The following SAMD12 variants were observed in gnomAD, a reference collection of about 807,000 sequenced individuals.
SAMD12 encodes sterile alpha motif domain containing 12.
Under a neutral mutation model 15.0 loss-of-function variants are expected in SAMD12, and 9 were observed. The ratio of observed to expected loss-of-function variants is 0.60; its 90% CI spans 0.36 to 1.05. The LOEUF is 1.05. Among genes scored for constraint, SAMD12 ranks in the 50% least tolerant of loss-of-function variants. The pLI is 0.01. For synonymous variants in SAMD12, 86 were observed against 90.1 expected (o/e 0.96, Z 0.25); for missense variants, 230 against 234.2 (o/e 0.98, Z 0.12).
At chr8:118,422,024 T>C (rs1428113973) in intron 3 of SAMD12, among the ~76,000 whole-genome samples, 1 of 152,154 alleles carries the variant, frequency 6.6e-6, no homozygotes, top group African/African-American at 2.4e-5. Context: ...GTGTAAGAAG[T>C]TGCAGATAGG....
intron 4 of SAMD12, among the ~76,000 whole-genome samples, chr8:118,362,122 GTGAAGAGAAT>G (rs1241773773): frequency 6.6e-6 from 1 of 152,012 alleles, no homozygotes; most frequent in East Asian, 1.9e-4. Flanking sequence ...GGGAGGGACA[GTGAAGAGAAT>G]TGAAAAGAAA....
chr8:118,185,049 G>A (rs532355309), downstream of SAMD12, among the ~76,000 whole-genome samples: 1 of 151,854 alleles, frequency 6.6e-6, no homozygotes, highest in African/African-American at 2.4e-5. Flanking sequence ...GGACCTATGT[G>A]CTTGTATCAT....
In SAMD12 at chr8:118,204,520, C is replaced by T. The variant is rs148370130; in HGVS notation, c.434-6788G>A. Among the ~76,000 whole-genome samples the T allele has an allele frequency of 6.2e-3, 938 of 152,086 alleles. 8 individuals carry two copies. Among genetic ancestry groups the T allele is most frequent in the African/African-American group, 0.021 (857 of 41,484 alleles). On this transcript the variant is annotated intron_variant, in intron 4 of 4. Transcript: ENST00000409003. ...CTGTAATCCCAGCACTTTGGGAGGC[C>T]GAGCCGGGCAGATCACGAGGTCAGA...
chr8:118,332,223 A>G (rs1816837350), intron 4 of SAMD12, among the ~76,000 whole-genome samples: 1 of 152,222 alleles, frequency 6.6e-6, no homozygotes, highest in East Asian at 1.9e-4. Flanking sequence ...ATTAACAGTC[A>G]TTTCTATGTT....
At chr8:118,599,829 A>G (rs1827815470) in intron 1 of SAMD12, among the ~76,000 whole-genome samples, 1 of 152,200 alleles carries the variant, frequency 6.6e-6, no homozygotes, top group East Asian at 1.9e-4. Flanking sequence ...TGAGGCAGGA[A>G]CTGCTACAGC....
intron 4 of SAMD12, among the ~76,000 whole-genome samples, chr8:118,298,392 ACTAC>A (rs1474205290): frequency 6.6e-6 from 1 of 152,230 alleles, no homozygotes; most frequent in Non-Finnish European, 1.5e-5. Flanking sequence ...ATGAACATGC[ACTAC>A]CTATCAGTAA....
chr8:118,496,762 C>A, intron 2 of SAMD12, among the ~76,000 whole-genome samples: 1 of 151,932 alleles, frequency 6.6e-6, no homozygotes, highest in South Asian at 2.1e-4. Flanking sequence ...AAGAAACAAT[C>A]AACAGAGCAA....
At chr8:118,608,218 C>T (rs1034884209) in intron 1 of SAMD12, among the ~76,000 whole-genome samples, 3 of 151,732 alleles carry the variant, frequency 2.0e-5, no homozygotes. Flanking sequence ...CATTAGAATG[C>T]CTTTTACTGC....
intron 2 of SAMD12, among the ~76,000 whole-genome samples, chr8:118,476,430 G>C (rs1823962033): frequency 6.6e-6 from 1 of 152,194 alleles, no homozygotes; most frequent in Admixed American, 6.5e-5. Flanking sequence ...GATGGCTCCT[G>C]TCCTTTGGTG....
At chr8:118,614,080 T>C (rs931985862) in intron 1 of SAMD12, among the ~76,000 whole-genome samples, 23 of 152,196 alleles carry the variant, frequency 1.5e-4, no homozygotes, top group African/African-American at 5.1e-4. Context: ...CATTCCCTCA[T>C]TGAGCACACA....
chr8:118,198,904 A>G (rs1167732625), intron 4 of SAMD12, among the ~76,000 whole-genome samples: 1 of 152,020 alleles, frequency 6.6e-6, no homozygotes, highest in African/African-American at 2.4e-5. Flanking sequence ...TAAAAAAAAG[A>G]AAGAAGCTAT....
intron 2 of SAMD12, among the ~76,000 whole-genome samples, chr8:118,492,988 G>A (rs1824493467): frequency 6.6e-6 from 1 of 152,018 alleles, no homozygotes; most frequent in Non-Finnish European, 1.5e-5. Flanking sequence ...TACATACCCA[G>A]TATATCAAGT....
the SAMD12 span, among the ~76,000 whole-genome samples, chr8:118,176,701 G>A: frequency 6.6e-6 from 1 of 151,974 alleles, no homozygotes; most frequent in African/African-American, 2.4e-5. Flanking sequence ...ATCCTATTGG[G>A]TATTATCCTG....
chr8:118,536,275 T>C (rs1031457230), intron 2 of SAMD12, among the ~76,000 whole-genome samples: 3 of 152,210 alleles, frequency 2.0e-5, no homozygotes, highest in Non-Finnish European at 4.4e-5. Context: ...TGATATAAGA[T>C]AAAATCTTTA....
At chr8:118,286,887 G>A (rs1164935245) in intron 4 of SAMD12, among the ~76,000 whole-genome samples, 2 of 152,128 alleles carry the variant, frequency 1.3e-5, no homozygotes, top group East Asian at 3.9e-4. Flanking sequence ...TCACAAATCT[G>A]TACCCATCAT....
At chr8:118,359,003 CTGTGTGTGTG>C (rs35454734) in intron 4 of SAMD12, among the ~76,000 whole-genome samples, 3 of 149,256 alleles carry the variant, frequency 2.0e-5, no homozygotes, top group Non-Finnish European at 4.5e-5. Flanking sequence ...TGGCATTAAA[CTGTGTGTGTG>C]TGTGTGTGTG....
At chr8:118,595,040 A>C (rs1015067864) in intron 1 of SAMD12, among the ~76,000 whole-genome samples, 1 of 152,184 alleles carries the variant, frequency 6.6e-6, no homozygotes, top group Non-Finnish European at 1.5e-5. Context: ...CCCTTTAGAT[A>C]CCGGGGCCAT....
chr8:118,199,584 A>G (rs1052819809), intron 4 of SAMD12, among the ~76,000 whole-genome samples: 5 of 152,250 alleles, frequency 3.3e-5, no homozygotes, highest in African/African-American at 1.2e-4. Context: ...TATACTTTGG[A>G]ACCTGAGTCA....
chr8:118,599,336 CTT>C (rs981292343), intron 1 of SAMD12, among the ~76,000 whole-genome samples: 2 of 152,218 alleles, frequency 1.3e-5, no homozygotes, highest in African/African-American at 2.4e-5. Context: ...AGGAGACAAA[CTT>C]AATGTGTGAA....
Sources: gnomAD v4.1 joint callset for allele counts (sites outside exome capture counted in the v4.1 genomes callset) on GRCh38, gnomAD v4.1.1 for gene constraint, MANE v1.5 for transcripts, NCBI Gene and HGNC (gene_info 2026-07-23, HGNC 2026-07-21) for gene names.